NME7: variants seen among roughly 807,000 people sequenced by gnomAD.
The protein encoded by NME7 is NME/NM23 family member 7.
In NME7, 41 loss-of-function variants were observed where a neutral mutation model predicts 49.1. That is an observed-to-expected ratio of 0.83 (90% CI 0.65 to 1.08). The LOEUF (loss-of-function observed/expected upper bound fraction) is 1.08. Among genes scored for constraint, NME7 ranks in the 50% least tolerant of loss-of-function variants. NME7 has a pLI of 0.00. For missense variants in NME7, 423 were observed against 463.4 expected, an observed-to-expected ratio of 0.91 and a Z score of 0.80; for synonymous variants, 139 against 150.6, an observed-to-expected ratio of 0.92 and a Z score of 0.56.
In NME7 at chr1:169,334,010, C is replaced by T. The variant is rs1007072636; in HGVS notation, c.4-9510G>A. On this transcript the variant is annotated intron_variant, in intron 1 of 11. Coordinates refer to ENST00000367811, the MANE Select transcript of NME7 (RefSeq NM_013330.5). The stretch of plus-strand genomic sequence containing the variant: ...CTGTATTTTAGGAAAAATTACTTCA[C>T]AATAGGCAGCAAAATATTTTTGTTC... Among the ~76,000 whole-genome samples the T allele has an allele frequency of 3.3e-5, 5 of 152,298 alleles. 1 individual carries two copies. The highest frequency in any genetic ancestry group is 3.3e-4 in the Admixed American group (5 of 15,296).
chr1:169,356,150 C>T (rs899507722), intron 1 of NME7, among the ~76,000 whole-genome samples: 38 of 152,154 alleles, frequency 2.5e-4, no homozygotes, highest in African/African-American at 8.7e-4. Flanking sequence ...TTGTGCCTTT[C>T]TGCTCCCTGA....
intron 7 of NME7, among the ~76,000 whole-genome samples, chr1:169,270,324 A>C (rs1649450335): frequency 7.5e-6 from 1 of 133,692 alleles, no homozygotes; most frequent in East Asian, 2.0e-4. Context: ...ACAAGTATAA[A>C]AGCCACTCTC....
At chr1:169,307,154 G>A (rs796902615) in intron 4 of NME7, among the ~76,000 whole-genome samples, 2 of 152,312 alleles carry the variant, frequency 1.3e-5, no homozygotes, top group African/African-American at 2.4e-5. Flanking sequence ...GCTAAAATAC[G>A]CTATATCGTG....
intron 6 of NME7, 144 bp downstream of exon 6, chr1:169,298,412 G>T (rs1571367086): frequency 2.7e-6 from 2 of 746,222 alleles, no homozygotes; most frequent in East Asian, 5.1e-5. Context: ...CTGTTTGATA[G>T]TAGGCAAGAT....
intron 10 of NME7, among the ~76,000 whole-genome samples, chr1:169,209,200 T>A (rs1361243753): frequency 6.6e-6 from 1 of 152,028 alleles, no homozygotes; most frequent in African/African-American, 2.4e-5. Flanking sequence ...CATCAAAGAC[T>A]AGGGGGTTCC....
intron 11 of NME7, among the ~76,000 whole-genome samples, chr1:169,162,704 G>T (rs1445750433): frequency 2.0e-5 from 3 of 152,154 alleles, no homozygotes; most frequent in African/African-American, 7.2e-5. Flanking sequence ...TTTGGGCATG[G>T]TCACACAGCC....
chr1:169,245,001 T>C (rs538130234), intron 7 of NME7, among the ~76,000 whole-genome samples: 2 of 152,174 alleles, frequency 1.3e-5, no homozygotes, highest in African/African-American at 2.4e-5. Flanking sequence ...TAGTGCCACA[T>C]GCCTGTAATC....
At chr1:169,231,280 T>C (rs921125642) in intron 9 of NME7, among the ~76,000 whole-genome samples, 6 of 152,106 alleles carry the variant, frequency 3.9e-5, no homozygotes, top group African/African-American at 1.2e-4. Flanking sequence ...TACGAAACAA[T>C]AGTTTTCATA....
chr1:169,195,861 A>G (rs531449566), intron 10 of NME7, among the ~76,000 whole-genome samples: 1 of 151,914 alleles, frequency 6.6e-6, no homozygotes, highest in Non-Finnish European at 1.5e-5. Context: ...GAAACAAAAA[A>G]TAAGTGTGTT....
intron 6 of NME7, among the ~76,000 whole-genome samples, chr1:169,288,190 C>T (rs1308791930): frequency 6.6e-6 from 1 of 152,084 alleles, no homozygotes; most frequent in Admixed American, 6.6e-5. Flanking sequence ...CCTTTGTTCC[C>T]CCAAAGTTAT....
chr1:169,306,019 G>C (rs1651158939), intron 4 of NME7, among the ~76,000 whole-genome samples: 1 of 152,306 alleles, frequency 6.6e-6, no homozygotes, highest in South Asian at 2.1e-4. Context: ...TGAGACATTT[G>C]AGTTGGTTCT....
chr1:169,219,979 C>A (rs755809058), intron 10 of NME7, among the ~76,000 whole-genome samples: 2 of 152,140 alleles, frequency 1.3e-5, no homozygotes, highest in Non-Finnish European at 2.9e-5. Flanking sequence ...TCCAAGACAG[C>A]TTTTTCCTCA....
At chr1:169,186,787 G>C (rs1660078581) in intron 10 of NME7, among the ~76,000 whole-genome samples, 1 of 151,766 alleles carries the variant, frequency 6.6e-6, no homozygotes, top group Non-Finnish European at 1.5e-5. Context: ...GTTATTTCTT[G>C]TCTTCTGCTA....
chr1:169,212,140 T>C (rs979723623), intron 10 of NME7, among the ~76,000 whole-genome samples: 2 of 151,950 alleles, frequency 1.3e-5, no homozygotes, highest in South Asian at 4.1e-4. Flanking sequence ...ATTAAACCCC[T>C]TTCAGCCACC....
At chr1:169,240,148 T>TGATAA (rs2101831788) in intron 7 of NME7, among the ~76,000 whole-genome samples, 1 of 151,772 alleles carries the variant, frequency 6.6e-6, no homozygotes, top group African/African-American at 2.4e-5. Context: ...ATATTTATTA[T>TGATAA]GAGTTAAAAC....
chr1:169,362,587 A>T (rs1291825919), intron 1 of NME7, among the ~76,000 whole-genome samples: 1 of 152,196 alleles, frequency 6.6e-6, no homozygotes, highest in Non-Finnish European at 1.5e-5. Context: ...TGAAGACAGA[A>T]GCTGATTAGA....
chr1:169,280,072 C>A (rs1057460551), intron 7 of NME7, among the ~76,000 whole-genome samples: 3 of 152,212 alleles, frequency 2.0e-5, no homozygotes, highest in Non-Finnish European at 4.4e-5. Flanking sequence ...AATTTATACT[C>A]CCACCAACAG....
chr1:169,288,755 A>G (rs1272331811), intron 6 of NME7, among the ~76,000 whole-genome samples: 1 of 152,082 alleles, frequency 6.6e-6, no homozygotes, highest in Non-Finnish European at 1.5e-5. Context: ...GCCATTATTT[A>G]TTATTCTTTT....
intron 10 of NME7, among the ~76,000 whole-genome samples, chr1:169,178,269 A>C (rs899738152): frequency 6.6e-6 from 1 of 152,176 alleles, no homozygotes; most frequent in Non-Finnish European, 1.5e-5. Context: ...TTAGAAATCT[A>C]AAAACTACAT....
Sources: gnomAD v4.1 joint callset for allele counts (sites outside exome capture counted in the v4.1 genomes callset) on GRCh38, gnomAD v4.1.1 for gene constraint, MANE v1.5 for transcripts, NCBI Gene and HGNC (gene_info 2026-07-23, HGNC 2026-07-21) for gene names.